The following ADARB2 variants were observed in gnomAD, a reference collection of about 807,000 sequenced individuals.
The protein encoded by ADARB2 is inactive double-stranded RNA-specific editase B2.
A neutral mutation model predicts 62.2 loss-of-function variants in ADARB2; 25 were observed. The ratio of observed to expected loss-of-function variants is 0.40; its 90% CI spans 0.29 to 0.56. ADARB2 has a LOEUF of 0.56. Among genes scored for constraint, ADARB2 ranks in the 20% least tolerant of loss-of-function variants. ADARB2 has a pLI of 0.43. For synonymous variants in ADARB2, 572 were observed against 500.8 expected (o/e 1.14, Z -1.90); for missense variants, 1,071 against 1,077.4 (o/e 0.99, Z 0.08).
rs374969275 is a variant in ADARB2, at chr10:1,476,306, C to T, written c.101-97146G>A. Among the ~76,000 whole-genome samples the T allele has an allele frequency of 6.1e-3, 923 of 152,144 alleles. 5 individuals are homozygous for T. The highest frequency in any genetic ancestry group is 0.034 in the Middle Eastern group (10 of 294). The stretch of plus-strand genomic sequence containing the variant: ...AGGTCGAGGTCCAGCCCAGGGTGCC[C>T]AACTGCAGGTCTCTGGCAAGGGCCC... On this transcript the variant is annotated intron_variant, in intron 1 of 9. Transcript: ENST00000381312.
intron 3 of ADARB2, among the ~76,000 whole-genome samples, chr10:1,295,088 C>T (rs1831511963): frequency 6.6e-6 from 1 of 152,232 alleles, no homozygotes; most frequent in East Asian, 1.9e-4. Flanking sequence ...GTTCCTCTCA[C>T]TTCAGGTGTG....
chr10:1,651,301 T>C (rs113880622), intron 1 of ADARB2, among the ~76,000 whole-genome samples: 4 of 152,372 alleles, frequency 2.6e-5, no homozygotes, highest in African/African-American at 9.6e-5. Flanking sequence ...CATCGAGCCC[T>C]GGCTCGGCGA....
At chr10:1,374,463 G>T (rs901719426) in intron 2 of ADARB2, among the ~76,000 whole-genome samples, 2 of 152,310 alleles carry the variant, frequency 1.3e-5, no homozygotes, top group South Asian at 2.1e-4. Context: ...GGGGAGAAAG[G>T]CCAACGCTTT....
chr10:1,370,770 G>A (rs1238099419), intron 2 of ADARB2, among the ~76,000 whole-genome samples: 1 of 152,176 alleles, frequency 6.6e-6, no homozygotes, highest in African/African-American at 2.4e-5. Context: ...ATAGCTACAA[G>A]GAGAGCTACA....
At chr10:1,561,268 C>T (rs754018015) in intron 1 of ADARB2, among the ~76,000 whole-genome samples, 26 of 152,194 alleles carry the variant, frequency 1.7e-4, no homozygotes, top group Non-Finnish European at 3.2e-4. Context: ...GTAATTGGCA[C>T]GTGTGCCCTG....
intron 3 of ADARB2, among the ~76,000 whole-genome samples, chr10:1,299,663 C>T (rs12220555): frequency 0.44 from 66,708 of 151,922 alleles, 16,251 homozygotes; most frequent in East Asian, 0.69. Flanking sequence ...GGTGCAGCAG[C>T]TTTCTGTAGG....
At chr10:1,516,492 T>C (rs997043167) in intron 1 of ADARB2, among the ~76,000 whole-genome samples, 1 of 151,990 alleles carries the variant, frequency 6.6e-6, no homozygotes, top group African/African-American at 2.4e-5. Flanking sequence ...TGCTCTGTGC[T>C]ATGCGGGCTG....
At chr10:1,425,272 T>C (rs1564286302) in intron 1 of ADARB2, among the ~76,000 whole-genome samples, 1 of 152,182 alleles carries the variant, frequency 6.6e-6, no homozygotes, top group East Asian at 1.9e-4. Flanking sequence ...TGGTCATGGT[T>C]CTCCTGCCCT....
chr10:1,243,942 C>A (rs1027184175), intron 4 of ADARB2, among the ~76,000 whole-genome samples: 1 of 152,220 alleles, frequency 6.6e-6, no homozygotes, highest in Non-Finnish European at 1.5e-5. Context: ...CAGGAAGTGA[C>A]CAGACTTCCC....
chr10:1,388,265 A>G (rs1832540653), intron 1 of ADARB2, among the ~76,000 whole-genome samples: 1 of 152,142 alleles, frequency 6.6e-6, no homozygotes, highest in Non-Finnish European at 1.5e-5. Context: ...CAAAAGTTAT[A>G]ACTAGTATTA....
chr10:1,335,887 C>G (rs1408077188), intron 3 of ADARB2, among the ~76,000 whole-genome samples: 1 of 152,200 alleles, frequency 6.6e-6, no homozygotes, highest in Non-Finnish European at 1.5e-5. Context: ...CGCTGCAATC[C>G]CCGTGTCTTC....
chr10:1,522,049 T>A (rs1033508505), intron 1 of ADARB2, among the ~76,000 whole-genome samples: 5 of 152,226 alleles, frequency 3.3e-5, no homozygotes, highest in Admixed American at 3.3e-4. Flanking sequence ...TAAACATGTC[T>A]ACTCCACAAG....
At chr10:1,249,138 C>T (rs1831013458) in intron 4 of ADARB2, among the ~76,000 whole-genome samples, 1 of 152,136 alleles carries the variant, frequency 6.6e-6, no homozygotes, top group Non-Finnish European at 1.5e-5. Flanking sequence ...ATGTGATAAT[C>T]AGTTATATTA....
At chr10:1,609,276 G>C (rs994882247) in intron 1 of ADARB2, among the ~76,000 whole-genome samples, 5 of 152,220 alleles carry the variant, frequency 3.3e-5, no homozygotes, top group Non-Finnish European at 5.9e-5. Context: ...TCATTTTCAA[G>C]CTATTAAACG....
chr10:1,356,904 C>G (rs1283260722), intron 3 of ADARB2, among the ~76,000 whole-genome samples: 1 of 152,224 alleles, frequency 6.6e-6, no homozygotes, highest in Non-Finnish European at 1.5e-5. Context: ...CCTAACTGGT[C>G]TCTCTTCAGT....
At chr10:1,387,720 G>A (rs764225655) in intron 1 of ADARB2, among the ~76,000 whole-genome samples, 4 of 152,020 alleles carry the variant, frequency 2.6e-5, no homozygotes, top group Non-Finnish European at 5.9e-5. Context: ...CTAGAAAAAT[G>A]GAAGGGGGTG....
At chr10:1,476,042 A>G (rs1369458706) in intron 1 of ADARB2, among the ~76,000 whole-genome samples, 1 of 152,234 alleles carries the variant, frequency 6.6e-6, no homozygotes, top group Non-Finnish European at 1.5e-5. Flanking sequence ...ATTTTTAACA[A>G]AAGAAATGCA....
chr10:1,390,306 G>A (rs1832559250), intron 1 of ADARB2, among the ~76,000 whole-genome samples: 1 of 152,190 alleles, frequency 6.6e-6, no homozygotes, highest in Non-Finnish European at 1.5e-5. Context: ...AAGGGTGCTT[G>A]TAGATTGTGG....
rs376559858 is a variant in ADARB2 at position 1,657,960 on chromosome 10, CCTCAGTCTCTCTCTAT to C, written c.100+79075_100+79090del. Among the ~76,000 whole-genome samples the C allele has an allele frequency of 9.5e-3, 1,397 of 147,770 alleles. 35 individuals are homozygous for C. The highest frequency in any genetic ancestry group is 0.032 in the African/African-American group (1,317 of 40,902). On this transcript the variant is annotated intron_variant, in intron 1 of 9. Coordinates refer to ENST00000381312, the MANE Select transcript of ADARB2 (RefSeq NM_018702.4). ...TTATCTGATTCTCTGTCTGTGTCTGCCTCAGTCTCTCTCTATCTCAGTCTCTCTCTCTCTTTCTGTG... is the reference window on the plus strand; with the variant it reads ...TTATCTGATTCTCTGTCTGTGTCTGCCTCAGTCTCTCTCTCTCTTTCTGTG...
Sources: allele counts gnomAD v4.1 joint callset (sites outside exome capture counted in the v4.1 genomes callset), GRCh38; gene constraint gnomAD v4.1.1; transcripts MANE v1.5; gene names NCBI Gene and HGNC (gene_info 2026-07-23, HGNC 2026-07-21).